The following SLC39A11 variants were observed in gnomAD, a reference collection of about 807,000 sequenced individuals.
SLC39A11 encodes zinc transporter ZIP11.
In SLC39A11, 33 loss-of-function variants were observed where a neutral mutation model predicts 36.1. The observed-to-expected ratio is 0.91, with a 90% CI of 0.69 to 1.22. The LOEUF (loss-of-function observed/expected upper bound fraction) is 1.22. Among genes scored for constraint, SLC39A11 ranks in the 50% most tolerant of loss-of-function variants. The probability of loss-of-function intolerance (pLI) is 0.00; values close to 1 mark genes in which losing one functional copy is unlikely to be tolerated. For synonymous variants in SLC39A11, 166 were observed against 170.3 expected (o/e 0.97, Z 0.20); for missense variants, 432 against 430.3 (o/e 1.00, Z -0.03).
At chr17:72,698,891 C>T (rs1056627078) in intron 7 of SLC39A11, among the ~76,000 whole-genome samples, 7 of 152,140 alleles carry the variant, frequency 4.6e-5, no homozygotes, top group East Asian at 3.9e-4. Context: ...AGTGCAGTGG[C>T]GTGATCTCGG....
chr17:72,766,272 G>A (rs1231786603), intron 6 of SLC39A11, among the ~76,000 whole-genome samples: 1 of 152,164 alleles, frequency 6.6e-6, no homozygotes, highest in Admixed American at 6.5e-5. Context: ...CCCTTGTTAA[G>A]TTGCGCTATG....
At chr17:72,751,548 G>C (rs927324144) in intron 6 of SLC39A11, among the ~76,000 whole-genome samples, 1 of 151,872 alleles carries the variant, frequency 6.6e-6, no homozygotes, top group Admixed American at 6.6e-5. Flanking sequence ...AATCACTTTT[G>C]TACAGCCATC....
chr17:72,959,510 C>G lies in SLC39A11; in HGVS notation c.307-11635G>C, dbSNP rs182463492. ...ATATGTTCTCACTGATATGTGGGAG[C>G]TAAGCTATAAGGACACAAAGGCATA... is the stretch of plus-strand genomic sequence containing the variant. On this transcript the variant is annotated intron_variant, in intron 4 of 9. Transcript: ENST00000255559. Among the ~76,000 whole-genome samples the G allele has an allele frequency of 1.8e-3, 267 of 151,580 alleles. 3 individuals carry two copies. The South Asian group carries it at 0.022, about 12-fold the overall frequency.
At chr17:73,047,986 AAAAAATATATATATATATAT>A (rs1379562797) in intron 3 of SLC39A11, among the ~76,000 whole-genome samples, 9 of 42,214 alleles carry the variant, frequency 2.1e-4, no homozygotes, top group African/African-American at 5.8e-4. Context: ...AAAAAAAAAA[AAAAAATATATATATATATAT>A]ATATATATAT....
At chr17:73,045,258 A>G (rs1220135365) in intron 3 of SLC39A11, among the ~76,000 whole-genome samples, 5 of 152,074 alleles carry the variant, frequency 3.3e-5, no homozygotes, top group African/African-American at 9.7e-5. Context: ...CAGTGACTGT[A>G]GGTCCCCCAG....
At chr17:72,912,427 C>T (rs1434946786) in intron 5 of SLC39A11, among the ~76,000 whole-genome samples, 1 of 151,044 alleles carries the variant, frequency 6.6e-6, no homozygotes, top group Non-Finnish European at 1.5e-5. Flanking sequence ...ATTCTTAGGA[C>T]AATATCTTTT....
chr17:72,650,726 C>T (rs759578130), intron 7 of SLC39A11, among the ~76,000 whole-genome samples: 3 of 152,284 alleles, frequency 2.0e-5, no homozygotes, highest in Non-Finnish European at 4.4e-5. Context: ...CCACCATCAC[C>T]GACTTTCAGG....
chr17:73,025,244 C>G (rs927760582), intron 4 of SLC39A11, among the ~76,000 whole-genome samples: 1 of 152,140 alleles, frequency 6.6e-6, no homozygotes, highest in Non-Finnish European at 1.5e-5. Context: ...GAGGAGACAG[C>G]CTCAGGGTCA....
At chr17:73,043,999 A>G (rs1339723701) in intron 3 of SLC39A11, among the ~76,000 whole-genome samples, 1 of 152,216 alleles carries the variant, frequency 6.6e-6, no homozygotes, top group Non-Finnish European at 1.5e-5. Flanking sequence ...CAAAATTATA[A>G]TCAATTACAT....
At chr17:72,965,359 G>A (rs566752521) in intron 4 of SLC39A11, among the ~76,000 whole-genome samples, 1 of 152,252 alleles carries the variant, frequency 6.6e-6, no homozygotes, top group African/African-American at 2.4e-5. Flanking sequence ...ACGATCCCTG[G>A]TTTCTGGCGT....
chr17:72,923,750 A>C (rs2083846087), intron 5 of SLC39A11, among the ~76,000 whole-genome samples: 1 of 152,136 alleles, frequency 6.6e-6, no homozygotes, highest in African/African-American at 2.4e-5. Context: ...GAAAAGAGTT[A>C]GCTGGTTTTC....
chr17:72,802,752 C>T (rs1376882995), intron 6 of SLC39A11, among the ~76,000 whole-genome samples: 1 of 152,082 alleles, frequency 6.6e-6, no homozygotes, highest in Non-Finnish European at 1.5e-5. Flanking sequence ...AGTAGAGAGC[C>T]ACTCACTGTA....
intron 5 of SLC39A11, among the ~76,000 whole-genome samples, chr17:72,888,411 T>C (rs1460950418): frequency 6.6e-6 from 1 of 152,234 alleles, no homozygotes; most frequent in East Asian, 1.9e-4. Flanking sequence ...CACATGGCTC[T>C]ACCTGATCCC....
At chr17:72,702,458 G>A (rs544340858) in intron 7 of SLC39A11, among the ~76,000 whole-genome samples, 13 of 152,106 alleles carry the variant, frequency 8.5e-5, no homozygotes, top group Non-Finnish European at 1.8e-4. Context: ...GGCACCCCCC[G>A]CCTACAACAA....
At chr17:72,901,977 TAAG>T (rs986792006) in intron 5 of SLC39A11, among the ~76,000 whole-genome samples, 2 of 151,992 alleles carry the variant, frequency 1.3e-5, no homozygotes, top group African/African-American at 4.8e-5. Flanking sequence ...GGTATCCTTA[TAAG>T]AAGAGGAGAG....
At chr17:72,779,357 G>A (rs1333854610) in intron 6 of SLC39A11, among the ~76,000 whole-genome samples, 6 of 152,084 alleles carry the variant, frequency 3.9e-5, no homozygotes, top group Non-Finnish European at 8.8e-5. Flanking sequence ...CCTGGGAGGC[G>A]GAGGTTGCAG....
At chr17:72,926,349 G>T (rs1865582379) in intron 5 of SLC39A11, among the ~76,000 whole-genome samples, 1 of 152,148 alleles carries the variant, frequency 6.6e-6, no homozygotes, top group African/African-American at 2.4e-5. Flanking sequence ...GAGACCAAAA[G>T]AAAGTCAGCT....
At chr17:73,039,012 T>C (rs370110320) in intron 3 of SLC39A11, among the ~76,000 whole-genome samples, 19 of 152,262 alleles carry the variant, frequency 1.2e-4, no homozygotes, top group East Asian at 5.8e-4. Flanking sequence ...ATATTTATTA[T>C]GGGAAAATGC....
At chr17:72,911,538 C>T (rs909836325) in intron 5 of SLC39A11, among the ~76,000 whole-genome samples, 1 of 152,146 alleles carries the variant, frequency 6.6e-6, no homozygotes, top group Non-Finnish European at 1.5e-5. Flanking sequence ...CCCGACCTCC[C>T]TTTTCCTGTC....
Sources: allele counts gnomAD v4.1 joint callset (sites outside exome capture counted in the v4.1 genomes callset), GRCh38; gene constraint gnomAD v4.1.1; transcripts MANE v1.5; gene names NCBI Gene and HGNC (gene_info 2026-07-23, HGNC 2026-07-21).